Variants in GYPE observed in about 807,000 individuals in gnomAD.
GYPE encodes the protein glycophorin-E.
In GYPE, 8 loss-of-function variants were observed where a neutral mutation model predicts 11.6. That is an observed-to-expected ratio of 0.69 (90% CI 0.41 to 1.25). The LOEUF (loss-of-function observed/expected upper bound fraction) is 1.25. Ranked by LOEUF, GYPE falls within the 50% of genes most tolerant of loss-of-function variation. The pLI is 0.01. For missense variants in GYPE, 90 were observed against 92.8 expected (o/e 0.97, Z 0.12); for synonymous variants, 28 against 29.6 (o/e 0.94, Z 0.18).
At chr4:143,898,325 T>C (rs550706453) in intron 1 of GYPE, among the ~76,000 whole-genome samples, 34 of 152,100 alleles carry the variant, frequency 2.2e-4, no homozygotes, top group Admixed American at 1.1e-3. Flanking sequence ...TGCAGTGAGC[T>C]GAGATCGTGC....
At chr4:143,901,274 A>G (rs1315439636) in intron 1 of GYPE, among the ~76,000 whole-genome samples, 3 of 152,188 alleles carry the variant, frequency 2.0e-5, no homozygotes, top group African/African-American at 4.8e-5. Flanking sequence ...TTGTATAGTC[A>G]TAGTCTATGA....
chr4:143,894,341 C>A, intron 1 of GYPE, among the ~76,000 whole-genome samples: 1 of 152,106 alleles, frequency 6.6e-6, no homozygotes. Context: ...AGCTTTGTTC[C>A]GTTGCTCGAG....
intron 3 of GYPE, chr4:143,875,646 G>C (rs1743768466): frequency 2.7e-5 from 37 of 1,380,070 alleles, no homozygotes; most frequent in East Asian, 1.0e-4. Flanking sequence ...GGTACCTAGG[G>C]GTGTTGCCAA....
chr4:143,899,756 C>A (rs1744792020), intron 1 of GYPE, among the ~76,000 whole-genome samples: 1 of 124,040 alleles, frequency 8.1e-6, no homozygotes, highest in Non-Finnish European at 1.7e-5. Context: ...GGGACAGCTG[C>A]AAAATAATAA....
At chr4:143,874,568 G>A (rs549030995) in intron 3 of GYPE, among the ~76,000 whole-genome samples, 11 of 152,212 alleles carry the variant, frequency 7.2e-5, no homozygotes, top group Admixed American at 1.3e-4. Flanking sequence ...ACAGCATATG[G>A]CCAAGGCCTG....
At position 143,880,552 on chromosome 4, in the gene GYPE, A is replaced by T. The variant is rs750709965; in HGVS notation, c.38-43T>A. The T allele has an allele frequency of 2.5e-6, 4 of 1,612,972 alleles. No homozygotes were observed. In the Admixed American group the frequency reaches 6.7e-5, roughly 27 times the overall value. ...TGAGAAAGGGATTAAGAACGAGGTG[A>T]CTGAGCGGACCATAAAGCATATCAC... On this transcript the variant is annotated intron_variant, in intron 1 of 3. Transcript: ENST00000358615.
intron 3 of GYPE, among the ~76,000 whole-genome samples, chr4:143,874,039 G>C (rs527713404): frequency 6.6e-6 from 1 of 152,150 alleles, no homozygotes; most frequent in African/African-American, 2.4e-5. Flanking sequence ...ACCCCATGTA[G>C]ACTAATGTAA....
At chr4:143,904,188 T>C (rs563306228) in intron 1 of GYPE, among the ~76,000 whole-genome samples, 1 of 152,034 alleles carries the variant, frequency 6.6e-6, no homozygotes, top group Non-Finnish European at 1.5e-5. Context: ...CGTAGGTTTG[T>C]TCCCTAGTCT....
chr4:143,890,521 A>C (rs912474965), intron 1 of GYPE, among the ~76,000 whole-genome samples: 23 of 152,290 alleles, frequency 1.5e-4, no homozygotes, highest in African/African-American at 5.3e-4. Context: ...CAGAAATGAA[A>C]CTAGTTTGTT....
intron 1 of GYPE, among the ~76,000 whole-genome samples, chr4:143,901,035 G>A (rs1237287991): frequency 2.0e-5 from 3 of 152,196 alleles, no homozygotes; most frequent in Non-Finnish European, 2.9e-5. Flanking sequence ...TTAGAACAGT[G>A]CATGGCACAA....
intron 1 of GYPE, among the ~76,000 whole-genome samples, chr4:143,883,418 A>C (rs1204150282): frequency 1.3e-5 from 2 of 151,178 alleles, no homozygotes; most frequent in Admixed American, 6.6e-5. Context: ...TGTGAGAAGA[A>C]ATGGGTTTTC....
intron 3 of GYPE, among the ~76,000 whole-genome samples, chr4:143,872,913 G>A (rs1743667674): frequency 6.6e-6 from 1 of 152,100 alleles, no homozygotes; most frequent in Non-Finnish European, 1.5e-5. Context: ...AGCTGAGCAT[G>A]TGGACAGGTC....
chr4:143,885,531 C>T (rs1161350027), intron 1 of GYPE, among the ~76,000 whole-genome samples: 2 of 152,090 alleles, frequency 1.3e-5, no homozygotes, highest in African/African-American at 2.4e-5. Context: ...AAACACTGTA[C>T]TCAAGTATAC....
At chr4:143,902,933 T>C (rs929454893) in intron 1 of GYPE, among the ~76,000 whole-genome samples, 4 of 152,084 alleles carry the variant, frequency 2.6e-5, no homozygotes, top group Non-Finnish European at 5.9e-5. Context: ...GTTCTTAGCT[T>C]CAGAATCTGA....
At position 143,905,262 on chromosome 4, in the gene GYPE, C is replaced by T. The variant is rs527808461; in HGVS notation, c.37+209G>A. Reference sequence around the variant, plus strand: ...GAAGTAAGCTTCTCATACTAGAAAACTGGATTCGGCCATAAATACTGGGCT... The same window carrying T: ...GAAGTAAGCTTCTCATACTAGAAAATTGGATTCGGCCATAAATACTGGGCT... On this transcript the variant is annotated intron_variant, in intron 1 of 3. Coordinates refer to ENST00000358615, the MANE Select transcript of GYPE (RefSeq NM_198682.3). Among the ~76,000 whole-genome samples the T allele has an allele frequency of 5.9e-5, 9 of 152,254 alleles. No individual in the cohort carries two copies. In the South Asian group the frequency reaches 1.7e-3, roughly 28 times the overall value.
chr4:143,878,680 AT>A, intron 2 of GYPE: 1 of 492,282 alleles, frequency 2.0e-6, no homozygotes, highest in Non-Finnish European at 4.2e-6. Flanking sequence ...CCTTTCTCCT[AT>A]AAAGCGAAAT....
intron 1 of GYPE, among the ~76,000 whole-genome samples, chr4:143,882,541 T>G (rs1271975474): frequency 2.0e-5 from 3 of 151,988 alleles, no homozygotes; most frequent in Non-Finnish European, 4.4e-5. Context: ...GCTAATAAAA[T>G]AACAAGCCAA....
In GYPE at chr4:143,871,767, G is replaced by C. The variant is rs1317560919; in HGVS notation, c.*495C>G. ...GGTTTACTGTCAGCAGTCTGTTCGG[G>C]CGGCATTTTGCCAATATAGCCCTAT... On this transcript the variant is annotated 3_prime_UTR_variant, in exon 4 of 4. Transcript: ENST00000358615. The C allele has an allele frequency of 6.6e-6, 1 of 152,138 alleles. No homozygotes were observed. Among genetic ancestry groups the C allele is most frequent in the Non-Finnish European group, 1.5e-5 (1 of 68,030 alleles). 9.4% of individuals were successfully genotyped at this position (152,138 alleles called of 1,614,324 possible). A position where few individuals can be genotyped will look rare whatever the true frequency, so the allele number is the denominator to read the frequency against.
chr4:143,873,232 T>G (rs754701076), intron 3 of GYPE: 12 of 292,744 alleles, frequency 4.1e-5, no homozygotes, highest in South Asian at 2.8e-4. Context: ...CATTAAAATA[T>G]ACAGCATTTT....
Sources: gnomAD v4.1 joint callset for allele counts (sites outside exome capture counted in the v4.1 genomes callset) on GRCh38, gnomAD v4.1.1 for gene constraint, MANE v1.5 for transcripts, NCBI Gene and HGNC (gene_info 2026-07-23, HGNC 2026-07-21) for gene names.